MACF1: variants seen among roughly 807,000 people sequenced by gnomAD.
MACF1 encodes microtubule-actin cross-linking factor 1.
Under a neutral mutation model 854.8 loss-of-function variants are expected in MACF1, and 193 were observed. That is an observed-to-expected ratio of 0.23 (90% CI 0.20 to 0.25). MACF1 has a LOEUF of 0.25. Among genes scored for constraint, MACF1 ranks in the 10% least tolerant of loss-of-function variants. MACF1 has a pLI of 1.00. For missense variants in MACF1, 7,722 were observed against 8,929.1 expected (o/e 0.86, Z 5.45); for synonymous variants, 3,185 against 3,226.7 (o/e 0.99, Z 0.44).
At chr1:39,425,616 A>C (rs1294499454) in intron 61 of MACF1, among the ~76,000 whole-genome samples, 1 of 152,096 alleles carries the variant, frequency 6.6e-6, no homozygotes, top group Non-Finnish European at 1.5e-5. Context: ...GAAGTAAACT[A>C]TATTCTGTTC....
intron 2 of MACF1, among the ~76,000 whole-genome samples, chr1:39,241,780 C>T (rs1352177392): frequency 6.6e-6 from 1 of 151,704 alleles, no homozygotes; most frequent in South Asian, 2.1e-4. Context: ...TTTGACCCTC[C>T]AAGCATCATA....
At chr1:39,322,851 A>T in intron 32 of MACF1, 59 bp from the exon 33 acceptor site, 1 of 1,552,112 alleles carries the variant, frequency 6.4e-7, no homozygotes, top group Non-Finnish European at 8.9e-7. Flanking sequence ...CTTATTTTGA[A>T]CTATTTAAAT....
At chr1:39,296,827 G>GAAAAAAAGAAAGA (rs1557571591) in intron 20 of MACF1, among the ~76,000 whole-genome samples, 2 of 140,898 alleles carry the variant, frequency 1.4e-5, no homozygotes, top group Admixed American at 6.9e-5. Context: ...AGGAAGGAAG[G>GAAAAAAAGAAAGA]AAGGAAGGAA....
intron 1 of MACF1, chr1:39,215,457 T>C (rs912108651): frequency 1.4e-4 from 21 of 152,042 alleles, no homozygotes; most frequent in African/African-American, 5.1e-4. Context: ...TTTTTTTTTT[T>C]GCTTGTCCGG....
intron 2 of MACF1, among the ~76,000 whole-genome samples, chr1:39,146,745 CA>C (rs1643473458): frequency 6.6e-6 from 1 of 151,456 alleles, no homozygotes; most frequent in Non-Finnish European, 1.5e-5. Context: ...TTAATGGATG[CA>C]AAAAAATAAA....
chr1:39,131,757 G>A (rs1201107084), intron 2 of MACF1, among the ~76,000 whole-genome samples: 1 of 152,116 alleles, frequency 6.6e-6, no homozygotes, highest in African/African-American at 2.4e-5. Context: ...GAATTTTTGT[G>A]GATATGATAT....
chr1:39,088,086 C>T (rs536704316), intron 2 of MACF1, among the ~76,000 whole-genome samples: 6 of 152,274 alleles, frequency 3.9e-5, no homozygotes, highest in African/African-American at 9.6e-5. Context: ...CATTCTCCTG[C>T]CTCAGCCTCC....
At chr1:39,424,761 A>G (rs1446176814) in intron 61 of MACF1, among the ~76,000 whole-genome samples, 2 of 152,224 alleles carry the variant, frequency 1.3e-5, no homozygotes, top group African/African-American at 4.8e-5. Context: ...GCTATAAGTT[A>G]TCCTGTGACT....
At chr1:39,403,581 G>GTAA (rs1642567176) in intron 58 of MACF1, among the ~76,000 whole-genome samples, 1 of 152,116 alleles carries the variant, frequency 6.6e-6, no homozygotes, top group Non-Finnish European at 1.5e-5. Flanking sequence ...TAACCTAAGA[G>GTAA]TAACACTATA....
intron 2 of MACF1, among the ~76,000 whole-genome samples, chr1:39,110,527 C>T (rs1246995526): frequency 6.6e-6 from 1 of 152,084 alleles, no homozygotes; most frequent in African/African-American, 2.4e-5. Context: ...CTTGAGCCAC[C>T]GTGCCTGGCC....
chr1:39,423,907 A>C, intron 60 of MACF1, 121 bp from the exon 61 acceptor site: 1 of 787,960 alleles, frequency 1.3e-6, no homozygotes, highest in Non-Finnish European at 2.0e-6. Context: ...GATGAAAAAA[A>C]CTTCTTTTAC....
At chr1:39,185,697 G>A (rs1644159349) in intron 2 of MACF1, among the ~76,000 whole-genome samples, 2 of 152,246 alleles carry the variant, frequency 1.3e-5, no homozygotes, top group Non-Finnish European at 2.9e-5. Flanking sequence ...TACACTGTAG[G>A]ATGTAAACAG....
intron 97 of MACF1, among the ~76,000 whole-genome samples, chr1:39,479,340 A>G (rs1260809796): frequency 6.6e-6 from 1 of 152,188 alleles, no homozygotes; most frequent in Admixed American, 6.5e-5. Context: ...ATTCAAATAG[A>G]AGAGTCTAGA....
intron 87 of MACF1, 30 bp downstream of exon 87, chr1:39,452,842 A>AT (rs1270702407): frequency 6.2e-7 from 1 of 1,609,570 alleles, no homozygotes; most frequent in Non-Finnish European, 8.5e-7. Context: ...TGGTGACCTC[A>AT]TGCTACCTAC....
intron 2 of MACF1, among the ~76,000 whole-genome samples, chr1:39,176,126 A>AAAAAAAAAAAAAAAAAAAT (rs1398154427): frequency 7.7e-6 from 1 of 129,400 alleles, no homozygotes; most frequent in Non-Finnish European, 1.7e-5. Context: ...AAAAAAAAAA[A>AAAAAAAAAAAAAAAAAAAT]AGCCAGGTGT....
intron 6 of MACF1, among the ~76,000 whole-genome samples, chr1:39,279,411 A>G (rs1357050381): frequency 1.3e-5 from 2 of 150,094 alleles, no homozygotes; most frequent in African/African-American, 4.9e-5. Context: ...TTTTTTTTCC[A>G]ATTTTAAAAT....
chr1:39,284,988 G>A, intron 11 of MACF1, 95 bp from the exon 12 acceptor site: 3 of 1,487,028 alleles, frequency 2.0e-6, no homozygotes, highest in Non-Finnish European at 9.2e-7. Flanking sequence ...CTGAATGGCT[G>A]GGTAAAGAAG....
chr1:39,156,150 C>T (rs1557487079), intron 2 of MACF1, among the ~76,000 whole-genome samples: 1 of 152,174 alleles, frequency 6.6e-6, no homozygotes, highest in Non-Finnish European at 1.5e-5. Context: ...GCTGGGATTA[C>T]AGGCGTGAGC....
At chr1:39,424,722 C>A (rs928727008) in intron 61 of MACF1, among the ~76,000 whole-genome samples, 3 of 152,184 alleles carry the variant, frequency 2.0e-5, no homozygotes, top group African/African-American at 7.2e-5. Flanking sequence ...AATCCTCCTT[C>A]AAGGAAATAT....
Sources: allele counts gnomAD v4.1 joint callset (sites outside exome capture counted in the v4.1 genomes callset), GRCh38; gene constraint gnomAD v4.1.1; transcripts MANE v1.5; gene names NCBI Gene and HGNC (gene_info 2026-07-23, HGNC 2026-07-21).